The following ITGA4 variants were observed in gnomAD, a reference collection of about 807,000 sequenced individuals.
ITGA4 encodes the protein integrin alpha-4.
In ITGA4, 63 loss-of-function variants were observed where a neutral mutation model predicts 133.6. The ratio of observed to expected loss-of-function variants is 0.47; its 90% CI spans 0.38 to 0.58. ITGA4 has a LOEUF of 0.58. Ranked by LOEUF, ITGA4 falls within the 20% of genes least tolerant of loss-of-function variation. The pLI is 0.00. For missense variants in ITGA4, 1,076 were observed against 1,252.7 expected (o/e 0.86, Z 2.13); for synonymous variants, 483 against 438.0 (o/e 1.10, Z -1.28).
chr2:181,490,505 G>C (rs914949330), intron 10 of ITGA4, among the ~76,000 whole-genome samples: 16 of 148,868 alleles, frequency 1.1e-4, no homozygotes, highest in Non-Finnish European at 2.2e-4. Context: ...GTGTGTGTGT[G>C]TGTGTGTGTG....
rs1276626388 is a variant in ITGA4 at position 181,457,590 on chromosome 2, C to T, written c.-65C>T. ...GGGGCGTTCTTCCCCGTTGGCCAAC[C>T]GTCGCATCCCGTGCAACTTTGGGGT... On this transcript the variant is annotated 5_prime_UTR_variant, in exon 1 of 28. Coordinates refer to ENST00000397033, the MANE Select transcript of ITGA4 (RefSeq NM_000885.6). The T allele has an allele frequency of 4.1e-6, 6 of 1,459,034 alleles. No homozygotes were observed. The highest frequency in any genetic ancestry group is 2.1e-5 in the Admixed American group (1 of 48,580). The allele number at this position is 1,459,034 out of a possible 1,614,324, so 90.4% of individuals were successfully genotyped here.
In ITGA4 at chr2:181,462,547, A is replaced by C. The variant is rs1020098217; in HGVS notation, c.319+4230A>C. On this transcript the variant is annotated intron_variant, in intron 2 of 27. Transcript: ENST00000397033. ...TACTTTTTCATTTGCAATGTGCTTT[A>C]AATTGTAGCTTATGAAGCTGAGATT... 3.9e-5 allele frequency among the ~76,000 whole-genome samples: 6 copies of C among 152,292 alleles called. No individual in the cohort carries two copies. In the East Asian group the frequency reaches 1.2e-3, roughly 29 times the overall value.
intron 10 of ITGA4, 93 bp from the exon 11 acceptor site, chr2:181,493,232 A>G: frequency 1.4e-6 from 1 of 719,912 alleles, no homozygotes. Context: ...GAGTTTTCTT[A>G]TGTGATATGA....
intron 6 of ITGA4, 98 bp downstream of exon 6, chr2:181,480,364 G>A (rs995435003): frequency 4.7e-6 from 3 of 637,482 alleles, no homozygotes; most frequent in Non-Finnish European, 7.4e-6. Context: ...GATCTAAATG[G>A]CCAGTATAAT....
chr2:181,457,799 A>T lies in ITGA4; in HGVS notation c.145A>T (p.Asn49Tyr), dbSNP rs1345681044. The change falls in exon 1 of 28, where the codon AAC becomes TAC. Residue 49 changes from asparagine (N) to tyrosine (Y), a missense_variant. This residue lies in a region of ITGA4 where 82 missense variants were observed against 68.3 expected (regional missense o/e 1.20). Transcript: ENST00000397033. ...ESALLYQGPH[N>Y]TLFGYSVVLH... ...CGCGCTGCTTTACCAGGGCCCCCAC[A>T]ACACGCTGTTCGGCTACTCGGTCGT... is the stretch of plus-strand genomic sequence containing the variant. 1.9e-6 allele frequency: 3 copies of T among 1,613,630 alleles called. No homozygotes were observed. In the South Asian group the frequency reaches 3.3e-5, roughly 18 times the overall value.
Position 181,464,479 on chromosome 2 carries a change from C to T in ITGA4, c.319+6162C>T, listed in dbSNP as rs527384042. 3.3e-5 allele frequency among the ~76,000 whole-genome samples: 5 copies of T among 152,004 alleles called. No homozygotes were observed. In the South Asian group the frequency reaches 8.3e-4, roughly 25 times the overall value. On this transcript the variant is annotated intron_variant, in intron 2 of 27. Coordinates refer to ENST00000397033, the MANE Select transcript of ITGA4 (RefSeq NM_000885.6). The stretch of plus-strand genomic sequence containing the variant: ...AACTCAGTTGAGATGATGGGAGAGA[C>T]AGGTAAATGGACAATTAATTATGAG...
chr2:181,464,973 T>C (rs887116630), intron 2 of ITGA4, among the ~76,000 whole-genome samples: 1 of 152,158 alleles, frequency 6.6e-6, no homozygotes, highest in Admixed American at 6.5e-5. Context: ...ATATAAACTA[T>C]GTAAAACACT....
At chr2:181,511,568 A>G in intron 16 of ITGA4, 131 bp from the exon 17 acceptor site, 1 of 560,762 alleles carries the variant, frequency 1.8e-6, no homozygotes, top group African/African-American at 1.9e-5. Context: ...AAAGAGATAA[A>G]ATAAAGAGTT....
intron 2 of ITGA4, chr2:181,458,589 C>T (rs1379874482): frequency 2.3e-6 from 1 of 440,478 alleles, no homozygotes; most frequent in Non-Finnish European, 4.2e-6. Context: ...CTTCATCTCT[C>T]CCCGTCTCTC....
At chr2:181,518,301 C>G (rs1451162436) in intron 17 of ITGA4, among the ~76,000 whole-genome samples, 2 of 152,090 alleles carry the variant, frequency 1.3e-5, no homozygotes, top group Non-Finnish European at 2.9e-5. Context: ...TATCCAACTG[C>G]TCAAATCAGG....
intron 10 of ITGA4, among the ~76,000 whole-genome samples, chr2:181,490,338 G>T (rs763977773): frequency 2.6e-5 from 4 of 152,104 alleles, no homozygotes; most frequent in Non-Finnish European, 4.4e-5. Context: ...CATTTTTAAA[G>T]CACTGATTTA....
chr2:181,498,542 A>T, intron 14 of ITGA4, 81 bp from the exon 15 acceptor site: 1 of 819,450 alleles, frequency 1.2e-6, no homozygotes, highest in Non-Finnish European at 1.9e-6. Flanking sequence ...AGTCCATATA[A>T]CTTTAACTAT....
chr2:181,498,532 A>G, intron 14 of ITGA4, 91 bp from the exon 15 acceptor site: 1 of 638,416 alleles, frequency 1.6e-6, no homozygotes, highest in Non-Finnish European at 2.5e-6. Flanking sequence ...TATTTCCAGT[A>G]GTCCATATAA....
Position 181,495,240 on chromosome 2 carries a change from T to G in ITGA4, c.1340-131T>G. The G allele has an allele frequency of 1.5e-6, 1 of 680,946 alleles. No individual in the cohort carries two copies. The highest frequency in any genetic ancestry group is 1.8e-5 in the South Asian group (1 of 56,148). The allele number at this position is 680,946 out of a possible 1,614,324, so 42.2% of individuals were successfully genotyped here. On this transcript the variant is annotated intron_variant, in intron 12 of 27. Transcript: ENST00000397033. This position sits in a 1 kb window ranked among gnomAD's most constrained non-coding sequence, Gnocchi z 4.3. ...TGGAAAGAATCGTAAGATGTTAGCATATATTCTCTAATTTTCTATAAATAG... is the reference window on the plus strand; with the variant it reads ...TGGAAAGAATCGTAAGATGTTAGCAGATATTCTCTAATTTTCTATAAATAG...
Position 181,531,644 on chromosome 2 carries a change from T to A in ITGA4, c.2665-13T>A. ...TGAAAATTTTAATGTAGCACTTTTA[T>A]ATTCCCTTCAAGTACTGCATAAAAG... On this transcript the variant is annotated splice_polypyrimidine_tract_variant and intron_variant, in intron 24 of 27. Coordinates refer to ENST00000397033, the MANE Select transcript of ITGA4 (RefSeq NM_000885.6). 6.6e-7 allele frequency: 1 copy of A among 1,514,372 alleles called. No homozygotes were observed. Among genetic ancestry groups the A allele is most frequent in the Non-Finnish European group, 8.9e-7 (1 of 1,119,764 alleles). The allele number at this position is 1,514,372 out of a possible 1,614,324, so 93.8% of individuals were successfully genotyped here.
chr2:181,464,236 G>A (rs1487175882), intron 2 of ITGA4, among the ~76,000 whole-genome samples: 1 of 152,102 alleles, frequency 6.6e-6, no homozygotes, highest in Non-Finnish European at 1.5e-5. Context: ...AACCAGGGTG[G>A]TAAATTATGA....
rs755912850 is a variant in ITGA4, at chr2:181,480,235, A to G, written c.723A>G (p.Lys241=). 2 of 1,479,572 alleles carry G rather than the reference A, an allele frequency of 1.4e-6. No homozygotes were observed. Among genetic ancestry groups the G allele is most frequent in the Non-Finnish European group, 1.8e-6 (2 of 1,104,090 alleles). The allele number at this position is 1,479,572 out of a possible 1,614,324, so 91.7% of individuals were successfully genotyped here. A position where few individuals can be genotyped will look rare whatever the true frequency, so the allele number is the denominator to read the frequency against. Residue 241 remains lysine (K), a synonymous_variant, in exon 6 of 28, where the codon AAA becomes AAG. Coordinates refer to ENST00000397033, the MANE Select transcript of ITGA4 (RefSeq NM_000885.6). ...ATAAATACAAGGCTTTTTTAGACAA[A>G]CAAAATCAAGTAAAATTTGGAAGTT... ...TTNKYKAFLD[K]QNQVKFGSYL...
At chr2:181,503,388 C>A (rs1375488362) in intron 15 of ITGA4, among the ~76,000 whole-genome samples, 1 of 151,916 alleles carries the variant, frequency 6.6e-6, no homozygotes, top group Non-Finnish European at 1.5e-5. Flanking sequence ...ATATCACTGG[C>A]ATGTAGATTT....
At position 181,457,476 on chromosome 2, in the gene ITGA4, G is replaced by T. The variant is rs565275119; in HGVS notation, c.-179G>T. On this transcript the variant is annotated 5_prime_UTR_variant, in exon 1 of 28. Coordinates refer to ENST00000397033, the MANE Select transcript of ITGA4 (RefSeq NM_000885.6). ...CGCGGCATCCCAGGCCGGCCCGAAC[G>T]CTCCGCCCGCGGTGGGCCGACTTCC... The T allele has an allele frequency of 3.0e-5, 18 of 598,270 alleles. No individual in the cohort carries two copies. In the East Asian group the frequency reaches 5.3e-4, roughly 18 times the overall value. The allele number at this position is 598,270 out of a possible 1,614,324, so 37.1% of individuals were successfully genotyped here.
Sources: allele counts gnomAD v4.1 joint callset (sites outside exome capture counted in the v4.1 genomes callset), GRCh38; gene constraint gnomAD v4.1.1; regional missense constraint gnomAD v4.1.1; non-coding constraint Gnocchi (gnomAD v3.1); transcripts MANE v1.5; gene names NCBI Gene and HGNC (gene_info 2026-07-23, HGNC 2026-07-21).